The following SMYD3 variants were observed in gnomAD, a reference collection of about 807,000 sequenced individuals.
SMYD3 encodes SET and MYND domain containing 3, also known as histone-lysine N-methyltransferase SMYD3.
In SMYD3, 36 loss-of-function variants were observed where a neutral mutation model predicts 57.7. That is an observed-to-expected ratio of 0.62 (90% CI 0.48 to 0.82). The LOEUF (loss-of-function observed/expected upper bound fraction) is 0.82. Among genes scored for constraint, SMYD3 ranks in the 40% least tolerant of loss-of-function variants. SMYD3 has a pLI of 0.00. For synonymous variants in SMYD3, 211 were observed against 195.0 expected (o/e 1.08, Z -0.68); for missense variants, 515 against 538.8 (o/e 0.96, Z 0.44).
At chr1:246,258,338 C>G (rs12136593) in intron 5 of SMYD3, among the ~76,000 whole-genome samples, 31,567 of 152,002 alleles carry the variant, frequency 0.21, 3,993 homozygotes, top group East Asian at 0.58. Flanking sequence ...CCTGGCCTCA[C>G]GTATTTCTTT....
At chr1:245,919,551 A>G (rs1477962913) in intron 7 of SMYD3, among the ~76,000 whole-genome samples, 2 of 152,222 alleles carry the variant, frequency 1.3e-5, no homozygotes, top group African/African-American at 4.8e-5. Flanking sequence ...AGTCTGCAGA[A>G]TATCTGGTTA....
intron 5 of SMYD3, among the ~76,000 whole-genome samples, chr1:245,954,546 G>T (rs12404624): frequency 0.32 from 48,989 of 151,972 alleles, 8,301 homozygotes; most frequent in African/African-American, 0.44. Context: ...CATGCTGGCA[G>T]GCACCAGCAG....
chr1:246,025,488 C>T (rs1183567797), intron 5 of SMYD3, among the ~76,000 whole-genome samples: 1 of 152,172 alleles, frequency 6.6e-6, no homozygotes, highest in Non-Finnish European at 1.5e-5. Flanking sequence ...AGTACTGTGA[C>T]GGTCATTTTC....
At chr1:246,471,002 G>A (rs2067954496) in intron 1 of SMYD3, among the ~76,000 whole-genome samples, 1 of 152,018 alleles carries the variant, frequency 6.6e-6, no homozygotes, top group Admixed American at 6.6e-5. Context: ...TGTGTGTGGG[G>A]GGTGGTGTGT....
chr1:245,900,167 T>A (rs2054090710), intron 8 of SMYD3, among the ~76,000 whole-genome samples: 1 of 152,116 alleles, frequency 6.6e-6, no homozygotes, highest in Non-Finnish European at 1.5e-5. Flanking sequence ...AAGAAAATGG[T>A]CTCAGTGGGT....
At chr1:246,499,251 C>T (rs2068418912) in intron 1 of SMYD3, among the ~76,000 whole-genome samples, 1 of 151,866 alleles carries the variant, frequency 6.6e-6, no homozygotes, top group Admixed American at 6.6e-5. Context: ...TTGCAGTGAG[C>T]CGAGATTGTA....
intron 10 of SMYD3, among the ~76,000 whole-genome samples, chr1:245,785,513 A>T (rs1346112065): frequency 6.6e-6 from 1 of 151,936 alleles, no homozygotes; most frequent in Non-Finnish European, 1.5e-5. Context: ...ATTAATTTAC[A>T]CTCACTTGCC....
intron 8 of SMYD3, among the ~76,000 whole-genome samples, chr1:245,912,367 C>T (rs772258886): frequency 6.6e-6 from 1 of 151,954 alleles, no homozygotes; most frequent in Non-Finnish European, 1.5e-5. Flanking sequence ...GAAGAGAACA[C>T]AAATGGAAAG....
intron 5 of SMYD3, among the ~76,000 whole-genome samples, chr1:246,286,344 T>C (rs1469713918): frequency 1.3e-5 from 2 of 152,202 alleles, no homozygotes; most frequent in Non-Finnish European, 2.9e-5. Context: ...AGCACTTTTT[T>C]TTTAATCTGA....
intron 5 of SMYD3, among the ~76,000 whole-genome samples, chr1:246,228,263 C>T (rs2063359532): frequency 6.6e-6 from 1 of 152,154 alleles, no homozygotes; most frequent in South Asian, 2.1e-4. Flanking sequence ...AGCCACTGCG[C>T]CCGGCCTCAC....
At chr1:246,164,722 A>C (rs1373196816) in intron 5 of SMYD3, among the ~76,000 whole-genome samples, 3 of 152,242 alleles carry the variant, frequency 2.0e-5, no homozygotes, top group African/African-American at 7.2e-5. Flanking sequence ...CAAGACTGAT[A>C]ACGTCTCTGC....
chr1:246,152,632 G>T (rs1055121480), intron 5 of SMYD3, among the ~76,000 whole-genome samples: 4 of 152,182 alleles, frequency 2.6e-5, no homozygotes, highest in African/African-American at 9.7e-5. Context: ...CATTCGATTA[G>T]ATATACTTCC....
intron 5 of SMYD3, among the ~76,000 whole-genome samples, chr1:246,085,777 T>G (rs746233877): frequency 2.0e-5 from 3 of 152,006 alleles, no homozygotes; most frequent in Non-Finnish European, 4.4e-5. Flanking sequence ...AAAATAAATT[T>G]TATTAGAGGG....
At chr1:246,177,387 A>T (rs141749781) in intron 5 of SMYD3, among the ~76,000 whole-genome samples, 160 of 152,352 alleles carry the variant, frequency 1.1e-3, no homozygotes, top group Non-Finnish European at 1.8e-3. Flanking sequence ...AGTTGCACCA[A>T]GTTACCCCTT....
intron 5 of SMYD3, chr1:246,111,618 A>T (rs2061244136): frequency 6.6e-6 from 1 of 152,232 alleles, no homozygotes; most frequent in Non-Finnish European, 1.5e-5. Flanking sequence ...TTAAGACTAA[A>T]CTGTATGATC....
chr1:246,051,042 C>T (rs1021113747), intron 5 of SMYD3, among the ~76,000 whole-genome samples: 3 of 151,516 alleles, frequency 2.0e-5, no homozygotes, highest in African/African-American at 4.9e-5. Context: ...TATGAAATTA[C>T]GAAGAGGAAG....
chr1:246,212,196 AT>A (rs2063100094), intron 5 of SMYD3, among the ~76,000 whole-genome samples: 3 of 152,182 alleles, frequency 2.0e-5, no homozygotes, highest in Admixed American at 2.0e-4. Flanking sequence ...ACTTTTAAAT[AT>A]GCAAATTTAA....
chr1:246,165,499 G>T (rs2062192368), intron 5 of SMYD3, among the ~76,000 whole-genome samples: 1 of 152,142 alleles, frequency 6.6e-6, no homozygotes, highest in African/African-American at 2.4e-5. Context: ...AGACATCCTT[G>T]CCTTTGGGGA....
At chr1:246,040,111 CAG>C (rs1372982408) in intron 5 of SMYD3, among the ~76,000 whole-genome samples, 1 of 152,178 alleles carries the variant, frequency 6.6e-6, no homozygotes, top group African/African-American at 2.4e-5. Flanking sequence ...TATCATGAAA[CAG>C]AAATAGCATT....
Sources: gnomAD v4.1 joint callset for allele counts (sites outside exome capture counted in the v4.1 genomes callset) on GRCh38, gnomAD v4.1.1 for gene constraint, MANE v1.5 for transcripts, NCBI Gene and HGNC (gene_info 2026-07-23, HGNC 2026-07-21) for gene names.